Variants in WWOX observed in about 807,000 individuals in gnomAD.
The protein encoded by WWOX is WW domain-containing oxidoreductase.
In WWOX, 69 loss-of-function variants were observed where a neutral mutation model predicts 46.2. That is an observed-to-expected ratio of 1.49 (90% CI 1.23 to 1.82). The LOEUF (loss-of-function observed/expected upper bound fraction) is 1.82, where lower values mean the gene tolerates loss of function less well. WWOX is among the 40% of genes most tolerant of loss of function. The pLI, the probability that WWOX is intolerant of heterozygous loss-of-function variation, is 0.00. For missense variants in WWOX, 919 were observed against 542.6 expected (o/e 1.69, Z -6.89); for synonymous variants, 359 against 202.6 (o/e 1.77, Z -6.56).
At chr16:79,074,238 A>T (rs1020302486) in intron 8 of WWOX, among the ~76,000 whole-genome samples, 4 of 151,774 alleles carry the variant, frequency 2.6e-5, no homozygotes, top group Admixed American at 6.6e-5. Context: ...TATTTTTTTA[A>T]AAAATATAAT....
chr16:79,054,481 A>T (rs375333961), intron 8 of WWOX, among the ~76,000 whole-genome samples: 11 of 152,284 alleles, frequency 7.2e-5, no homozygotes, highest in African/African-American at 2.6e-4. Flanking sequence ...GCAATTTCAG[A>T]TTTAATCAGG....
chr16:78,388,399 C>T (rs1463301532), intron 6 of WWOX, among the ~76,000 whole-genome samples: 1 of 152,094 alleles, frequency 6.6e-6, no homozygotes, highest in East Asian at 1.9e-4. Context: ...GTAATCCCAG[C>T]AGTTTGGGAG....
chr16:78,786,700 G>T (rs539205618), intron 8 of WWOX, among the ~76,000 whole-genome samples: 15 of 152,198 alleles, frequency 9.9e-5, no homozygotes, highest in Non-Finnish European at 2.1e-4. Flanking sequence ...GCCCATAGTT[G>T]GCAGTTTGTC....
intron 5 of WWOX, among the ~76,000 whole-genome samples, chr16:78,381,449 C>T (rs2081955415): frequency 6.6e-6 from 1 of 152,196 alleles, no homozygotes; most frequent in Admixed American, 6.5e-5. Flanking sequence ...TTATGACCTT[C>T]TGGCTGAGCC....
intron 8 of WWOX, among the ~76,000 whole-genome samples, chr16:78,501,900 A>C (rs1043332050): frequency 2.2e-4 from 34 of 152,116 alleles, no homozygotes; most frequent in African/African-American, 8.2e-4. Flanking sequence ...TGGGGTGGCA[A>C]TGAAAGGTGA....
At chr16:78,321,255 C>A (rs945964384) in intron 5 of WWOX, among the ~76,000 whole-genome samples, 2 of 148,740 alleles carry the variant, frequency 1.3e-5, no homozygotes, top group Non-Finnish European at 3.0e-5. Flanking sequence ...TTTAAGGCAA[C>A]ACGTAGGTTC....
chr16:78,414,749 A>G (rs1295569187), intron 6 of WWOX, among the ~76,000 whole-genome samples: 1 of 152,226 alleles, frequency 6.6e-6, no homozygotes, highest in Non-Finnish European at 1.5e-5. Context: ...GTGGCCTTTC[A>G]TTCATTTTAC....
intron 5 of WWOX, among the ~76,000 whole-genome samples, chr16:78,361,816 T>C (rs574357813): frequency 6.6e-6 from 1 of 152,232 alleles, no homozygotes; most frequent in African/African-American, 2.4e-5. Flanking sequence ...TTCACCACTT[T>C]GACCAGGCTG....
Position 78,537,846 on chromosome 16 carries a change from C to T in WWOX, c.1056+105094C>T, listed in dbSNP as rs530596692. On this transcript the variant is annotated intron_variant, in intron 8 of 8. Transcript: ENST00000566780. ...ACGATCCACCCACGTGTTGGTGCCA[C>T]CCGGCAGTGGAAAAGCCTCTGGCCT... Among the ~76,000 whole-genome samples the T allele has an allele frequency of 5.9e-5, 9 of 152,188 alleles. No homozygotes were observed. In the South Asian group the frequency reaches 1.9e-3, roughly 32 times the overall value.
chr16:78,146,228 C>A (rs191366553), intron 4 of WWOX, among the ~76,000 whole-genome samples: 2 of 152,234 alleles, frequency 1.3e-5, no homozygotes, highest in East Asian at 1.9e-4. Flanking sequence ...GCTGACAAGA[C>A]CCTCTGCCTG....
intron 8 of WWOX, chr16:78,552,446 T>G (rs971806797): frequency 6.6e-6 from 1 of 152,216 alleles, no homozygotes; most frequent in Non-Finnish European, 1.5e-5. Flanking sequence ...GTAATCCAGC[T>G]CCATGCTGGA....
intron 8 of WWOX, among the ~76,000 whole-genome samples, chr16:78,714,392 G>A (rs12149676): frequency 0.015 from 2,265 of 152,086 alleles, 23 homozygotes; most frequent in South Asian, 0.037. Context: ...ATCAGATCTC[G>A]TGAGACTTAT....
chr16:78,100,459 G>T (rs947820485), intron 1 of WWOX, among the ~76,000 whole-genome samples: 9 of 152,156 alleles, frequency 5.9e-5, no homozygotes, highest in Admixed American at 5.2e-4. Context: ...GCACCATGTT[G>T]CCCAGGCTGG....
At chr16:78,902,263 A>T (rs2044849056) in intron 8 of WWOX, among the ~76,000 whole-genome samples, 1 of 152,184 alleles carries the variant, frequency 6.6e-6, no homozygotes, top group Non-Finnish European at 1.5e-5. Context: ...AACCCCACCA[A>T]ATGCCTTTGT....
chr16:78,970,122 A>G (rs903509271), intron 8 of WWOX, among the ~76,000 whole-genome samples: 26 of 152,294 alleles, frequency 1.7e-4, no homozygotes, highest in African/African-American at 6.0e-4. Context: ...AGGAACCCAG[A>G]TGTGGCCTGA....
chr16:78,208,752 G>C (rs1188855314), intron 5 of WWOX, among the ~76,000 whole-genome samples: 1 of 152,122 alleles, frequency 6.6e-6, no homozygotes, highest in African/African-American at 2.4e-5. Flanking sequence ...AGTTGTAAAT[G>C]ATATCTTTGT....
chr16:78,517,462 C>T (rs1042677978), intron 8 of WWOX, among the ~76,000 whole-genome samples: 32 of 152,246 alleles, frequency 2.1e-4, no homozygotes, highest in Admixed American at 3.9e-4. Context: ...TTCGACGCTT[C>T]GCATATGTAT....
intron 8 of WWOX, among the ~76,000 whole-genome samples, chr16:78,928,085 A>G (rs536193435): frequency 1.3e-5 from 2 of 152,066 alleles, no homozygotes; most frequent in South Asian, 4.1e-4. Flanking sequence ...GGTCGCCTGG[A>G]CTTCAAAAGC....
At chr16:78,654,790 CAT>C (rs1426846966) in intron 8 of WWOX, among the ~76,000 whole-genome samples, 1 of 151,798 alleles carries the variant, frequency 6.6e-6, no homozygotes, top group Non-Finnish European at 1.5e-5. Context: ...TGTGATGAAA[CAT>C]ACTGTTGTTT....
Sources: allele counts gnomAD v4.1 joint callset (sites outside exome capture counted in the v4.1 genomes callset), GRCh38; gene constraint gnomAD v4.1.1; transcripts MANE v1.5; gene names NCBI Gene and HGNC (gene_info 2026-07-23, HGNC 2026-07-21).